Variants in KMT2C observed in about 807,000 individuals in gnomAD.
The protein encoded by KMT2C is histone-lysine N-methyltransferase 2C.
In KMT2C, 88 loss-of-function variants were observed where a neutral mutation model predicts 507.9. That is an observed-to-expected ratio of 0.17 (90% CI 0.15 to 0.21). KMT2C has a LOEUF of 0.21. Ranked by LOEUF, KMT2C falls within the 10% of genes least tolerant of loss-of-function variation. KMT2C has a pLI of 1.00. For missense variants in KMT2C, 4,954 were observed against 5,957.8 expected (o/e 0.83, Z 5.55); for synonymous variants, 2,049 against 2,080.8 (o/e 0.98, Z 0.42).
At position 152,364,291 on chromosome 7, in the gene KMT2C, GT is replaced by G. The variant is rs377215187; in HGVS notation, c.162-5617del. Among the ~76,000 whole-genome samples the G allele has an allele frequency of 4.3e-4, 65 of 152,258 alleles. 1 individual carries two copies. Among genetic ancestry groups the G allele is most frequent in the African/African-American group, 1.5e-3 (63 of 41,536 alleles). On this transcript the variant is annotated intron_variant, in intron 1 of 58. Transcript: ENST00000262189. The stretch of plus-strand genomic sequence containing the variant: ...ATTAAAAATAACATGGAACTCAAAG[GT>G]AACATCAAAAGATAACATCAAATGT...
chr7:152,268,208 G>A (rs1465025051), intron 7 of KMT2C, among the ~76,000 whole-genome samples: 2 of 152,164 alleles, frequency 1.3e-5, no homozygotes, highest in Non-Finnish European at 2.9e-5. Context: ...GAACTCGGGA[G>A]GTGGAGGCTG....
chr7:152,377,692 A>C (rs1222649911), intron 1 of KMT2C, among the ~76,000 whole-genome samples: 2 of 148,388 alleles, frequency 1.3e-5, no homozygotes, highest in Non-Finnish European at 3.0e-5. Flanking sequence ...CCAAGATCGC[A>C]CCACTGCACT....
intron 6 of KMT2C, among the ~76,000 whole-genome samples, chr7:152,299,898 T>C (rs1225895672): frequency 6.6e-6 from 1 of 152,022 alleles, no homozygotes; most frequent in Non-Finnish European, 1.5e-5. Flanking sequence ...AATGGAATAA[T>C]ATACACCATG....
intron 30 of KMT2C, 29 bp from the exon 31 acceptor site, chr7:152,194,157 G>A (rs1375786229): frequency 6.4e-7 from 1 of 1,564,332 alleles, no homozygotes; most frequent in South Asian, 1.2e-5. Context: ...ATAGTAACAA[G>A]ATTAAAAGAC....
At position 152,297,057 on chromosome 7, in the gene KMT2C, G is replaced by GACAGAAAGAAAGAA. The variant is rs756980169; in HGVS notation, c.849+12908_849+12909insTTCTTTCTTTCTGT. ...AGAAAGAAAGAAAGAAAGAAAGACA[G>GACAGAAAGAAAGAA]AGAGAGAGAGAGAGAGAGAGAGAGA... On this transcript the variant is annotated intron_variant, in intron 6 of 58. Coordinates refer to ENST00000262189, the MANE Select transcript of KMT2C (RefSeq NM_170606.3). Among the ~76,000 whole-genome samples, 28 of 90,750 alleles carry GACAGAAAGAAAGAA rather than the reference G, an allele frequency of 3.1e-4. 1 individual carries two copies. Among genetic ancestry groups the GACAGAAAGAAAGAA allele is most frequent in the African/African-American group, 1.3e-3 (27 of 20,946 alleles). The allele number at this position is 90,750 out of a possible 152,430, so 59.5% of individuals were successfully genotyped here. A position where few individuals can be genotyped will look rare whatever the true frequency, so the allele number is the denominator to read the frequency against.
chr7:152,353,881 C>A (rs1563963410), intron 2 of KMT2C, among the ~76,000 whole-genome samples: 1 of 152,138 alleles, frequency 6.6e-6, no homozygotes, highest in Non-Finnish European at 1.5e-5. Context: ...TTCAAATAAA[C>A]CCTGGGGTCT....
rs746186783 is a variant in KMT2C, at chr7:152,151,018, A to C, written c.12667-11T>G. 10 of 1,524,822 alleles carry C rather than the reference A, an allele frequency of 6.6e-6. No homozygotes were observed. The highest frequency in any genetic ancestry group is 8.2e-6 in the Non-Finnish European group (9 of 1,103,612). 94.5% of individuals were successfully genotyped at this position (1,524,822 alleles called of 1,614,324 possible). ...GCTTTCTCGGGAATCCTGAAAAGCA[A>C]AGAGAAATGTGTGGGAATCTCAACA... On this transcript the variant is annotated splice_polypyrimidine_tract_variant and intron_variant, in intron 50 of 58. Transcript: ENST00000262189.
intron 1 of KMT2C, chr7:152,367,745 T>C (rs879010909): frequency 2.7e-6 from 3 of 1,102,606 alleles, no homozygotes; most frequent in Admixed American, 3.4e-5. Context: ...CTCTTATCGA[T>C]TACATTGATA....
At chr7:152,199,990 AT>A (rs955857911) in intron 26 of KMT2C, among the ~76,000 whole-genome samples, 123 of 152,176 alleles carry the variant, frequency 8.1e-4, no homozygotes, top group African/African-American at 2.7e-3. Flanking sequence ...GCATATTAAC[AT>A]TTTTCCATTT....
At chr7:152,152,410 G>A (rs1044533647) in intron 49 of KMT2C, among the ~76,000 whole-genome samples, 9 of 152,342 alleles carry the variant, frequency 5.9e-5, no homozygotes, top group African/African-American at 1.9e-4. Flanking sequence ...TTGGGAGACA[G>A]GAAGAACAAA....
intron 33 of KMT2C, among the ~76,000 whole-genome samples, chr7:152,186,109 T>C (rs1023837113): frequency 1.3e-5 from 2 of 152,160 alleles, no homozygotes; most frequent in African/African-American, 4.8e-5. Context: ...CTCAGTGTCA[T>C]GACGGTATAC....
chr7:152,415,513 CAGTT>C (rs2097725236), intron 1 of KMT2C, among the ~76,000 whole-genome samples: 2 of 152,072 alleles, frequency 1.3e-5, no homozygotes, highest in African/African-American at 4.8e-5. Flanking sequence ...TGATACGAAA[CAGTT>C]AGAATGCCCC....
chr7:152,190,694 C>T (rs185877273), intron 31 of KMT2C, among the ~76,000 whole-genome samples: 1 of 152,106 alleles, frequency 6.6e-6, no homozygotes, highest in Non-Finnish European at 1.5e-5. Context: ...TTTCAAGTTA[C>T]TCTATCTCAA....
chr7:152,205,052 C>T (rs2129137160), intron 25 of KMT2C, 54 bp downstream of exon 25: 8 of 1,177,096 alleles, frequency 6.8e-6, no homozygotes, highest in Non-Finnish European at 9.6e-6. Flanking sequence ...ATAGAAATAT[C>T]AAGACCAAAG....
chr7:152,305,347 T>A (rs2096606577), intron 6 of KMT2C, among the ~76,000 whole-genome samples: 1 of 152,188 alleles, frequency 6.6e-6, no homozygotes, highest in African/African-American at 2.4e-5. Context: ...AAGTCACGCT[T>A]GAATAAATAC....
chr7:152,264,914 A>T (rs2095838463), intron 8 of KMT2C, 124 bp downstream of exon 8: 1 of 1,157,162 alleles, frequency 8.6e-7, no homozygotes, highest in Non-Finnish European at 1.1e-6. Context: ...AAGTATGATG[A>T]AGTCACTGAA....
intron 7 of KMT2C, among the ~76,000 whole-genome samples, chr7:152,269,952 C>G (rs2095930722): frequency 1.3e-5 from 2 of 152,170 alleles, no homozygotes; most frequent in Admixed American, 1.3e-4. Flanking sequence ...GATCCTTAAA[C>G]CTGATGAAAC....
chr7:152,266,241 C>CT (rs56898970), intron 7 of KMT2C, among the ~76,000 whole-genome samples: 1,947 of 147,340 alleles, frequency 0.013, 38 homozygotes, highest in African/African-American at 0.045. Flanking sequence ...GTATATGAAC[C>CT]TTTTTTTTTT....
intron 41 of KMT2C, among the ~76,000 whole-genome samples, chr7:152,168,082 T>G (rs2092810625): frequency 6.6e-6 from 1 of 152,160 alleles, no homozygotes; most frequent in South Asian, 2.1e-4. Context: ...ATCTCTTCAT[T>G]TTGTACCAAT....
Sources: gnomAD v4.1 joint callset for allele counts (sites outside exome capture counted in the v4.1 genomes callset) on GRCh38, gnomAD v4.1.1 for gene constraint, MANE v1.5 for transcripts, NCBI Gene and HGNC (gene_info 2026-07-23, HGNC 2026-07-21) for gene names.